The following APAF1 variants were observed in gnomAD, a reference collection of about 807,000 sequenced individuals.
The protein encoded by APAF1 is apoptotic peptidase activating factor 1, also known as apoptotic protease-activating factor 1.
APAF1 carries 91 observed loss-of-function variants against 152.4 expected under a neutral mutation model. The ratio of observed to expected loss-of-function variants is 0.60; its 90% confidence interval spans 0.50 to 0.71. The LOEUF (loss-of-function observed/expected upper bound fraction) is 0.71. APAF1 is among the 30% of genes least tolerant of loss of function. The pLI, the probability that APAF1 is intolerant of heterozygous loss-of-function variation, is 0.00. For synonymous variants in APAF1, 484 were observed against 494.1 expected (o/e 0.98, Z 0.27); for missense variants, 1,283 against 1,472.0 (o/e 0.87, Z 2.10).
intron 17 of APAF1, among the ~76,000 whole-genome samples, chr12:98,702,716 T>C (rs1371423879): frequency 6.6e-6 from 1 of 151,772 alleles, no homozygotes; most frequent in Non-Finnish European, 1.5e-5. Flanking sequence ...TCCCAGCTAC[T>C]TGGGAGGCTG....
chr12:98,657,385 T>A (rs1042830026), intron 4 of APAF1, among the ~76,000 whole-genome samples: 1 of 152,182 alleles, frequency 6.6e-6, no homozygotes, highest in African/African-American at 2.4e-5. Flanking sequence ...AAACCGATTT[T>A]TTTCTCTATG....
chr12:98,696,359 C>T (rs1452988757), intron 16 of APAF1, among the ~76,000 whole-genome samples: 4 of 152,140 alleles, frequency 2.6e-5, no homozygotes, highest in Admixed American at 1.3e-4. Context: ...CAACAACCCG[C>T]ACTCTTGAGA....
chr12:98,677,387 A>C (rs114213594), intron 12 of APAF1, 38 bp from the exon 13 acceptor site: 1 of 1,604,444 alleles, frequency 6.2e-7, no homozygotes, highest in African/African-American at 1.3e-5. Flanking sequence ...TTTTACTCTC[A>C]TTTATTTAAT....
chr12:98,663,936 G>A (rs1280815480), intron 7 of APAF1, among the ~76,000 whole-genome samples: 2 of 152,092 alleles, frequency 1.3e-5, no homozygotes, highest in African/African-American at 2.4e-5. Context: ...GGGATTATAG[G>A]CATGAGCTAC....
At chr12:98,665,983 A>G (rs1204699913) in intron 8 of APAF1, among the ~76,000 whole-genome samples, 192 bp downstream of exon 8, 1 of 152,052 alleles carries the variant, frequency 6.6e-6, no homozygotes, top group Non-Finnish European at 1.5e-5. Flanking sequence ...GAGTTAACCT[A>G]TTTCTGTGGT....
chr12:98,707,447 A>G (rs538127097), intron 19 of APAF1, among the ~76,000 whole-genome samples: 5 of 152,270 alleles, frequency 3.3e-5, no homozygotes, highest in South Asian at 4.2e-4. Context: ...TCTTAATGCC[A>G]TCTAATTCTA....
At chr12:98,664,178 C>T (rs1432428292) in intron 7 of APAF1, among the ~76,000 whole-genome samples, 1 of 151,890 alleles carries the variant, frequency 6.6e-6, no homozygotes, top group African/African-American at 2.4e-5. Context: ...GCTACCTCAC[C>T]CAGCTAATTT....
At chr12:98,705,417 G>A (rs962421382) in intron 18 of APAF1, among the ~76,000 whole-genome samples, 1 of 152,134 alleles carries the variant, frequency 6.6e-6, no homozygotes, top group Non-Finnish European at 1.5e-5. Context: ...TTGGCCCTTA[G>A]CTCTGTATGT....
intron 8 of APAF1, 146 bp from the exon 9 acceptor site, chr12:98,666,044 A>G (rs1429772604): frequency 1.3e-6 from 1 of 791,642 alleles, no homozygotes; most frequent in Non-Finnish European, 2.1e-6. Flanking sequence ...TTCTATCTTG[A>G]GGAGTAGCTG....
At chr12:98,718,963 T>A (rs2097738243) in intron 22 of APAF1, among the ~76,000 whole-genome samples, 1 of 152,094 alleles carries the variant, frequency 6.6e-6, no homozygotes, top group Admixed American at 6.6e-5. Context: ...TCTTAGGAGA[T>A]CTCTTTGCCC....
intron 1 of APAF1, among the ~76,000 whole-genome samples, chr12:98,646,200 C>CT (rs2097640122): frequency 6.6e-6 from 1 of 152,190 alleles, no homozygotes; most frequent in African/African-American, 2.4e-5. Context: ...GTCTTATTTG[C>CT]TTAGCTATTG....
At chr12:98,687,318 C>T (rs1207173777) in intron 16 of APAF1, among the ~76,000 whole-genome samples, 6 of 150,122 alleles carry the variant, frequency 4.0e-5, no homozygotes, top group East Asian at 2.0e-4. Context: ...GCTGAGATCA[C>T]GCCACTCCAC....
chr12:98,708,916 C>T (rs1292142690), intron 20 of APAF1, among the ~76,000 whole-genome samples: 1 of 152,202 alleles, frequency 6.6e-6, no homozygotes, highest in Non-Finnish European at 1.5e-5. Flanking sequence ...CATCTCACTG[C>T]TCTTCTGTTG....
chr12:98,648,749 C>G lies in APAF1; in HGVS notation c.262C>G (p.His88Asp), dbSNP rs925746508. The stretch of plus-strand genomic sequence containing the variant: ...ATATAAAGATCTTGCTGCCCTTCTC[C>G]ATGATGGCATTCCTGTTGTCTCTTC... Reference protein sequence around the residue: ...EGYKDLAALLHDGIPVVSSSS... With the variant: ...EGYKDLAALLDDGIPVVSSSS... Residue 88 changes from histidine (H) to aspartate (D), a missense_variant, in exon 3 of 27, where the codon CAT (histidine) becomes GAT (aspartate). Transcript: ENST00000551964. 9 of 1,613,862 alleles carry G rather than the reference C, an allele frequency of 5.6e-6. No individual in the cohort carries two copies. The highest frequency in any genetic ancestry group is 7.6e-6 in the Non-Finnish European group (9 of 1,179,908).
At chr12:98,732,039 A>AT (rs2097762647) in intron 26 of APAF1, among the ~76,000 whole-genome samples, 1 of 152,158 alleles carries the variant, frequency 6.6e-6, no homozygotes, top group African/African-American at 2.4e-5. Flanking sequence ...GTGTCTGCAA[A>AT]GGGGCATTTG....
In APAF1 at chr12:98,725,470, G is replaced by A. The variant is rs1375709252; in HGVS notation, c.3386G>A (p.Cys1129Tyr). ...CATGAATTGAGGGGCCACAACGGCT[G>A]TGTGCGCTGCTCTGCCTTCTCTGTG... The part of the protein sequence containing the change: ...PLHELRGHNG[C>Y]VRCSAFSVDS... Residue 1129 changes from cysteine (C) to tyrosine (Y), a missense_variant, in exon 25 of 27, where the codon TGT (cysteine) becomes TAT (tyrosine). Coordinates refer to ENST00000551964, the MANE Select transcript of APAF1 (RefSeq NM_181861.2). 1 of 1,614,158 alleles carries A rather than the reference G, an allele frequency of 6.2e-7. No individual in the cohort carries two copies. The highest frequency in any genetic ancestry group is 8.5e-7 in the Non-Finnish European group (1 of 1,180,018).
chr12:98,693,500 A>G (rs2097706572), intron 16 of APAF1, among the ~76,000 whole-genome samples: 1 of 152,008 alleles, frequency 6.6e-6, no homozygotes, highest in Non-Finnish European at 1.5e-5. Context: ...CTCTCTCATT[A>G]GCTTTCTGTT....
At chr12:98,648,841 A>G (rs1192434070) in intron 3 of APAF1, 26 bp downstream of exon 3, 1 of 1,602,866 alleles carries the variant, frequency 6.2e-7, no homozygotes, top group African/African-American at 1.3e-5. Context: ...ACCTTCTATC[A>G]CTTTGCTATC....
At chr12:98,730,518 G>C (rs1369636849) in intron 26 of APAF1, among the ~76,000 whole-genome samples, 1 of 152,216 alleles carries the variant, frequency 6.6e-6, no homozygotes, top group Non-Finnish European at 1.5e-5. Flanking sequence ...TTGAAATAAA[G>C]CAGCAGAATA....
Sources: allele counts gnomAD v4.1 joint callset (sites outside exome capture counted in the v4.1 genomes callset), GRCh38; gene constraint gnomAD v4.1.1; transcripts MANE v1.5; gene names NCBI Gene and HGNC (gene_info 2026-07-23, HGNC 2026-07-21).